The following CCDC61 variants were observed in gnomAD, a reference collection of about 807,000 sequenced individuals.
The protein encoded by CCDC61 is coiled-coil domain containing 61.
In CCDC61, 55 loss-of-function variants were observed where a neutral mutation model predicts 63.0. The ratio of observed to expected loss-of-function variants is 0.87; its 90% CI spans 0.70 to 1.09. The LOEUF is 1.09. Among genes scored for constraint, CCDC61 ranks in the 50% least tolerant of loss-of-function variants. The pLI, the probability that CCDC61 is intolerant of heterozygous loss-of-function variation, is 0.00. For synonymous variants in CCDC61, 270 were observed against 317.0 expected, an observed-to-expected ratio of 0.85 and a Z score of 1.58; for missense variants, 651 against 731.4, an observed-to-expected ratio of 0.89 and a Z score of 1.27.
At chr19:46,008,992 C>G (rs1330669418) in intron 5 of CCDC61, among the ~76,000 whole-genome samples, 2 of 152,160 alleles carry the variant, frequency 1.3e-5, no homozygotes, top group Non-Finnish European at 2.9e-5. Context: ...CCCTGCCACT[C>G]ACGTAGTGCC....
intron 1 of CCDC61, among the ~76,000 whole-genome samples, chr19:45,997,004 G>A (rs1968505855): frequency 6.6e-6 from 1 of 152,104 alleles, no homozygotes; most frequent in South Asian, 2.1e-4. Context: ...ATATCCACGA[G>A]GCCCCAACCT....
chr19:45,999,939 C>A, intron 1 of CCDC61: 1 of 805,104 alleles, frequency 1.2e-6, no homozygotes, highest in Non-Finnish European at 1.5e-6. Context: ...CGCTGGGATG[C>A]GTGAGGTCAG....
intron 1 of CCDC61, among the ~76,000 whole-genome samples, chr19:46,000,880 A>G (rs1968577750): frequency 1.0e-5 from 1 of 100,374 alleles, no homozygotes; most frequent in Non-Finnish European, 2.0e-5. Context: ...CGGGGTGGGT[A>G]TGGGGGGTTT....
intron 3 of CCDC61, among the ~76,000 whole-genome samples, chr19:46,004,178 G>A (rs1346907170): frequency 6.6e-6 from 1 of 152,058 alleles, no homozygotes; most frequent in Non-Finnish European, 1.5e-5. Flanking sequence ...GACATCAGGT[G>A]ATCCACCCGC....
chr19:46,001,263 G>T (rs982415921), intron 1 of CCDC61, among the ~76,000 whole-genome samples: 2 of 152,236 alleles, frequency 1.3e-5, no homozygotes, highest in East Asian at 3.9e-4. Flanking sequence ...ATCTTGCTCT[G>T]TTACCCAGGC....
intron 1 of CCDC61, among the ~76,000 whole-genome samples, chr19:45,995,730 T>G (rs535077547): frequency 1.4e-4 from 21 of 152,146 alleles, no homozygotes; most frequent in African/African-American, 5.1e-4. Context: ...AGGAGGGTCT[T>G]CAATGGGGAA....
chr19:46,006,460 C>G, intron 3 of CCDC61, 99 bp from the exon 4 acceptor site: 1 of 1,224,248 alleles, frequency 8.2e-7, no homozygotes. Flanking sequence ...GCCTAGCCCG[C>G]CTAGAGAACG....
intron 1 of CCDC61, among the ~76,000 whole-genome samples, chr19:45,997,250 C>T (rs1968510413): frequency 6.6e-6 from 1 of 152,188 alleles, no homozygotes; most frequent in South Asian, 2.1e-4. Flanking sequence ...TTCTTCCACA[C>T]CTCTTTCAGG....
intron 1 of CCDC61, among the ~76,000 whole-genome samples, chr19:45,995,936 A>G (rs1358099524): frequency 6.6e-6 from 1 of 152,162 alleles, no homozygotes; most frequent in African/African-American, 2.4e-5. Flanking sequence ...ATGAGCATGT[A>G]CTTTAAAGAG....
chr19:46,008,090 G>C, intron 4 of CCDC61, 50 bp from the exon 5 acceptor site: 2 of 1,535,898 alleles, frequency 1.3e-6, no homozygotes, highest in Non-Finnish European at 1.8e-6. Context: ...TTTACCCTCA[G>C]GTGCATTCTT....
At position 46,013,898 on chromosome 19, in the gene CCDC61, C is replaced by T. The variant is rs553846354; in HGVS notation, c.552-1151C>T. Among the ~76,000 whole-genome samples the T allele has an allele frequency of 4.0e-5, 6 of 151,584 alleles. No individual in the cohort carries two copies. In the East Asian group the frequency reaches 9.7e-4, roughly 24 times the overall value. ...AAAAAAAAAAGATTTCTTTGCAGTT[C>T]TTTTTGGCCTTAGGCTATATCCCGC... On this transcript the variant is annotated intron_variant, in intron 5 of 13. Transcript: ENST00000595358.
At chr19:46,002,979 C>T in intron 1 of CCDC61, 29 bp from the exon 2 acceptor site, 3 of 1,551,626 alleles carry the variant, frequency 1.9e-6, no homozygotes, top group South Asian at 2.4e-5. Flanking sequence ...CTGAGCTCCT[C>T]TAGGTTTCTC....
chr19:46,003,514 T>A lies in CCDC61; in HGVS notation c.231+13T>A. 2 of 1,529,884 alleles carry A rather than the reference T, an allele frequency of 1.3e-6. No homozygotes were observed. Among genetic ancestry groups the A allele is most frequent in the Non-Finnish European group, 1.8e-6 (2 of 1,120,628 alleles). 94.8% of individuals were successfully genotyped at this position (1,529,884 alleles called of 1,614,324 possible). A position where few individuals can be genotyped will look rare whatever the true frequency, so the allele number is the denominator to read the frequency against. ...AGCCCTCACTCAGGTAGGGCCCGGG[T>A]TGGCGGGTTGGGGTGGGAGGGGGGT... On this transcript the variant is annotated intron_variant, in intron 3 of 13. Transcript: ENST00000595358.
intron 1 of CCDC61, among the ~76,000 whole-genome samples, chr19:45,996,740 T>C (rs1568684521): frequency 6.6e-6 from 1 of 152,190 alleles, no homozygotes; most frequent in Non-Finnish European, 1.5e-5. Context: ...GTCTTACTTA[T>C]ATATGGTCTA....
chr19:46,009,812 G>A (rs950027171), intron 5 of CCDC61, among the ~76,000 whole-genome samples: 5 of 81,128 alleles, frequency 6.2e-5, no homozygotes, highest in Non-Finnish European at 1.1e-4. Context: ...CTGTGTGTGT[G>A]TGTATGTGTG....
In CCDC61 at chr19:46,016,591, C is replaced by T. The variant is rs1968941517; in HGVS notation, c.1092-103C>T. On this transcript the variant is annotated intron_variant, in intron 9 of 13. Transcript: ENST00000595358. The surrounding 1 kb of genome is among the most constrained non-coding windows in gnomAD (Gnocchi z 7.2). ...GTGCTTTCCGCTCGTAGGCCTGTCA[C>T]CTCAGGCTTTCGCTGGCGTGGCTGT... The T allele has an allele frequency of 2.6e-6, 4 of 1,526,036 alleles. No homozygotes were observed. Among genetic ancestry groups the T allele is most frequent in the South Asian group, 1.2e-5 (1 of 82,042 alleles). 94.5% of individuals were successfully genotyped at this position (1,526,036 alleles called of 1,614,324 possible).
In CCDC61 at chr19:46,017,244, CA is replaced by C; in HGVS notation, c.1311-2del. On this transcript the variant is annotated splice_acceptor_variant, in intron 11 of 13. Transcript: ENST00000595358. LOFTEE classifies it high-confidence loss of function. ...CTGGTCCTTGGTTACTCCTTTTTCT[CA>C]GGGGTCACCGCCGCCGTGGGAAGCC... 2 of 1,561,488 alleles carry C rather than the reference CA, an allele frequency of 1.3e-6. No homozygotes were observed. The highest frequency in any genetic ancestry group is 1.7e-6 in the Non-Finnish European group (2 of 1,152,298).
chr19:46,000,293 G>GA (rs1299582442), intron 1 of CCDC61, among the ~76,000 whole-genome samples: 2 of 152,110 alleles, frequency 1.3e-5, no homozygotes, highest in Non-Finnish European at 1.5e-5. Context: ...AATACAGGCT[G>GA]AAAGTGGGAT....
In CCDC61 at chr19:46,018,228, C is replaced by G. The variant is rs978590201; in HGVS notation, c.1442-62C>G. On this transcript the variant is annotated intron_variant, in intron 13 of 13. Coordinates refer to ENST00000595358, the MANE Select transcript of CCDC61 (RefSeq NM_001267723.2). The surrounding 1 kb of genome is among the most constrained non-coding windows in gnomAD (Gnocchi z 4.2). The stretch of plus-strand genomic sequence containing the variant: ...GTAGTGCGGGCAGTGGTATATTGGG[C>G]CCAGGAACTCCCTGGGGCTTCAGGC... The G allele has an allele frequency of 6.0e-5, 93 of 1,543,872 alleles. No individual in the cohort carries two copies. Among genetic ancestry groups the G allele is most frequent in the Non-Finnish European group, 7.7e-5 (88 of 1,139,036 alleles).
Sources: allele counts gnomAD v4.1 joint callset (sites outside exome capture counted in the v4.1 genomes callset), GRCh38; gene constraint gnomAD v4.1.1; non-coding constraint Gnocchi (gnomAD v3.1); transcripts MANE v1.5; gene names NCBI Gene and HGNC (gene_info 2026-07-23, HGNC 2026-07-21).